AXDND1: variants seen among roughly 807,000 people sequenced by gnomAD.
The protein encoded by AXDND1 is axonemal dynein light chain domain containing 1, also known as axonemal dynein light chain domain-containing protein 1.
Under a neutral mutation model 137.5 loss-of-function variants are expected in AXDND1, and 110 were observed. The observed-to-expected ratio is 0.80, with a 90% confidence interval of 0.69 to 0.94. AXDND1 has a LOEUF of 0.94. AXDND1 is among the 40% of genes least tolerant of loss of function. The pLI, the probability that AXDND1 is intolerant of heterozygous loss-of-function variation, is 0.00. For missense variants in AXDND1, 1,191 were observed against 1,169.8 expected (o/e 1.02, Z -0.26); for synonymous variants, 414 against 399.7 (o/e 1.04, Z -0.43).
intron 17 of AXDND1, among the ~76,000 whole-genome samples, chr1:179,470,709 G>T (rs1409999692): frequency 1.3e-5 from 2 of 152,028 alleles, no homozygotes; most frequent in Non-Finnish European, 2.9e-5. Flanking sequence ...CTATACAAAA[G>T]ATCATACCTA....
intron 16 of AXDND1, chr1:179,453,124 G>A (rs1431206230): frequency 6.6e-6 from 1 of 152,306 alleles, no homozygotes; most frequent in Non-Finnish European, 1.5e-5. Context: ...AGATTTCAGA[G>A]GATGTATGGA....
At chr1:179,527,151 A>T (rs1048383032) in intron 22 of AXDND1, among the ~76,000 whole-genome samples, 32 of 152,204 alleles carry the variant, frequency 2.1e-4, no homozygotes, top group African/African-American at 7.5e-4. Context: ...TCTTGATGAT[A>T]TGCTGAACAA....
intron 21 of AXDND1, among the ~76,000 whole-genome samples, chr1:179,517,411 T>G (rs1485525466): frequency 6.6e-6 from 1 of 152,226 alleles, no homozygotes; most frequent in Admixed American, 6.5e-5. Flanking sequence ...TTGGTTGTTC[T>G]TCCCCCTGTG....
At chr1:179,488,600 TTCTTTTTC>T (rs1156439575) in intron 18 of AXDND1, among the ~76,000 whole-genome samples, 14 of 121,756 alleles carry the variant, frequency 1.1e-4, no homozygotes, top group South Asian at 2.8e-4. Flanking sequence ...CTTTCTTTCT[TTCTTTTTC>T]TTTCTTTCTT....
At chr1:179,501,179 T>TG (rs1199785204) in intron 20 of AXDND1, among the ~76,000 whole-genome samples, 2 of 152,194 alleles carry the variant, frequency 1.3e-5, no homozygotes, top group Non-Finnish European at 2.9e-5. Context: ...AAACTGTCTC[T>TG]AAAAGCTGTT....
At chr1:179,428,990 A>C (rs1656986536) in intron 12 of AXDND1, among the ~76,000 whole-genome samples, 1 of 152,100 alleles carries the variant, frequency 6.6e-6, no homozygotes, top group Non-Finnish European at 1.5e-5. Flanking sequence ...AATCCTGGCT[A>C]ACAGGTGAAA....
At chr1:179,377,899 A>G (rs1172358350) in intron 4 of AXDND1, among the ~76,000 whole-genome samples, 2 of 152,118 alleles carry the variant, frequency 1.3e-5, no homozygotes, top group Admixed American at 6.6e-5. Flanking sequence ...GCGGCCGGGC[A>G]TGGTGGCTCA....
Position 179,429,518 on chromosome 1 carries a change from G to A in AXDND1, c.1231G>A (p.Val411Met), listed in dbSNP as rs770158450. The A allele has an allele frequency of 1.0e-5, 15 of 1,463,542 alleles. No homozygotes were observed. The African/African-American group carries it at 2.2e-4, about 21-fold the overall frequency. The allele number at this position is 1,463,542 out of a possible 1,614,324, so 90.7% of individuals were successfully genotyped here. A position where few individuals can be genotyped will look rare whatever the true frequency, so the allele number is the denominator to read the frequency against. The change falls in exon 13 of 26, where the codon GTG becomes ATG. Residue 411 changes from valine (V) to methionine (M), a missense_variant and splice_region_variant. Transcript: ENST00000367618. ...TGATTATAGTACATTATTTTTATAG[G>A]TGATTGAAAGAAATAGAGTCATATT... ...SSATYELALK[V>M]IERNRVILAR...
At chr1:179,374,420 T>G (rs1323605028) in intron 4 of AXDND1, among the ~76,000 whole-genome samples, 1 of 152,166 alleles carries the variant, frequency 6.6e-6, no homozygotes, top group African/African-American at 2.4e-5. Context: ...AGTGTGGTGA[T>G]TCCTCAAGGA....
At chr1:179,502,783 C>T (rs1454158337) in intron 20 of AXDND1, among the ~76,000 whole-genome samples, 1 of 151,572 alleles carries the variant, frequency 6.6e-6, no homozygotes, top group African/African-American at 2.4e-5. Context: ...CACAAGTGCT[C>T]TAGACTAAGA....
chr1:179,512,617 G>T (rs1669164574), intron 21 of AXDND1, among the ~76,000 whole-genome samples: 1 of 152,062 alleles, frequency 6.6e-6, no homozygotes, highest in Non-Finnish European at 1.5e-5. Context: ...GTGGTGTTCT[G>T]ATGGGGATTG....
chr1:179,374,887 A>G (rs1438900983), intron 4 of AXDND1, among the ~76,000 whole-genome samples: 2 of 151,116 alleles, frequency 1.3e-5, no homozygotes, highest in African/African-American at 2.4e-5. Flanking sequence ...TGATGAGTTA[A>G]TGGGGGGTGC....
At chr1:179,549,380 G>A (rs750659859) in intron 25 of AXDND1, among the ~76,000 whole-genome samples, 3 of 152,110 alleles carry the variant, frequency 2.0e-5, no homozygotes, top group Admixed American at 6.5e-5. Flanking sequence ...GAAAGACAAC[G>A]CATGCCAGCA....
intron 15 of AXDND1, among the ~76,000 whole-genome samples, chr1:179,435,937 C>CAGA (rs1658087962): frequency 6.6e-6 from 1 of 151,940 alleles, no homozygotes; most frequent in Non-Finnish European, 1.5e-5. Flanking sequence ...GCAATCTATC[C>CAGA]ATCTGACAGA....
Position 179,554,585 on chromosome 1 carries a change from A to G in AXDND1, c.*66A>G. ...GGGAGCCTCCAGGTGGGAGGAGAGC[A>G]TGCCTAAACCCTGGTGGCCATTGTT... On this transcript the variant is annotated 3_prime_UTR_variant, in exon 26 of 26. Transcript: ENST00000367618. 6.2e-7 allele frequency: 1 copy of G among 1,612,070 alleles called. No homozygotes were observed. Among genetic ancestry groups the G allele is most frequent in the Non-Finnish European group, 8.5e-7 (1 of 1,178,126 alleles).
intron 25 of AXDND1, among the ~76,000 whole-genome samples, chr1:179,540,511 C>T (rs1572216417): frequency 1.3e-5 from 2 of 152,220 alleles, no homozygotes; most frequent in African/African-American, 4.8e-5. Context: ...GCCTGGGTAT[C>T]ATCAGCGGAT....
intron 17 of AXDND1, among the ~76,000 whole-genome samples, chr1:179,479,627 A>C (rs1461388046): frequency 3.3e-5 from 5 of 151,544 alleles, no homozygotes; most frequent in Non-Finnish European, 7.4e-5. Context: ...AATACAAAAA[A>C]TTAGCTGGGC....
At chr1:179,540,221 A>G (rs548027821) in intron 25 of AXDND1, among the ~76,000 whole-genome samples, 3 of 152,050 alleles carry the variant, frequency 2.0e-5, no homozygotes, top group East Asian at 3.9e-4. Flanking sequence ...TTCTCCATCC[A>G]GTTTTGTTCC....
chr1:179,478,823 G>A (rs1664957505), intron 17 of AXDND1, among the ~76,000 whole-genome samples: 1 of 152,182 alleles, frequency 6.6e-6, no homozygotes, highest in South Asian at 2.1e-4. Context: ...TACCTGGCTG[G>A]GTATGGTGAC....
Sources: gnomAD v4.1 joint callset for allele counts (sites outside exome capture counted in the v4.1 genomes callset) on GRCh38, gnomAD v4.1.1 for gene constraint, MANE v1.5 for transcripts, NCBI Gene and HGNC (gene_info 2026-07-23, HGNC 2026-07-21) for gene names.